PPP1R11: variants seen among roughly 807,000 people sequenced by gnomAD.
The protein encoded by PPP1R11 is protein phosphatase 1 regulatory inhibitor subunit 11.
In PPP1R11, 10 loss-of-function variants were observed where a neutral mutation model predicts 11.3. The ratio of observed to expected loss-of-function variants is 0.88; its 90% CI spans 0.55 to 1.50. The LOEUF (loss-of-function observed/expected upper bound fraction) is 1.50, where lower values mean the gene tolerates loss of function less well. Ranked by LOEUF, PPP1R11 falls within the 40% of genes most tolerant of loss-of-function variation. PPP1R11 has a pLI of 0.00. For missense variants in PPP1R11, 114 were observed against 179.1 expected (o/e 0.64, Z 2.07); for synonymous variants, 56 against 62.3 (o/e 0.90, Z 0.48).
At position 30,067,314 on chromosome 6, in the gene PPP1R11, C is replaced by G; in HGVS notation, c.-97C>G. On this transcript the variant is annotated 5_prime_UTR_variant, in exon 1 of 3. Transcript: ENST00000376772. ...AAGGTGGAGGATCCTGGCTACCACT[C>G]TGAATCCGATACCGCTTCTCTTAGA... The G allele has an allele frequency of 7.6e-7, 1 of 1,311,544 alleles. No homozygotes were observed. Among genetic ancestry groups the G allele is most frequent in the Non-Finnish European group, 1.1e-6 (1 of 919,454 alleles). The allele number at this position is 1,311,544 out of a possible 1,614,324, so 81.2% of individuals were successfully genotyped here.
chr6:30,061,592 G>A, the PPP1R11 span: 3 of 1,613,064 alleles, frequency 1.9e-6, no homozygotes, highest in Non-Finnish European at 2.5e-6. This position sits in a 1 kb window ranked among gnomAD's most constrained non-coding sequence, Gnocchi z 5.0. Flanking sequence ...TGTTCAGATT[G>A]CGGCTCGGTC....
upstream of PPP1R11, chr6:30,061,953 T>A: frequency 6.2e-7 from 1 of 1,613,060 alleles, no homozygotes; most frequent in Non-Finnish European, 8.5e-7. This position sits in a 1 kb window ranked among gnomAD's most constrained non-coding sequence, Gnocchi z 5.0. Context: ...TCGGTTGTGT[T>A]CCACCAACTG....
At chr6:30,061,435 G>A in the PPP1R11 span, 13 of 1,494,266 alleles carry the variant, frequency 8.7e-6, no homozygotes, top group Admixed American at 2.3e-4. The surrounding 1 kb of genome is among the most constrained non-coding windows in gnomAD (Gnocchi z 5.0). Context: ...ATACTCCTAG[G>A]TCCTGGGACA....
chr6:30,068,825 T>A, intron 2 of PPP1R11, 127 bp downstream of exon 2: 1 of 879,814 alleles, frequency 1.1e-6, no homozygotes, highest in Non-Finnish European at 1.7e-6. Context: ...TTTTTGGTGG[T>A]GCTGTGGTAT....
At chr6:30,061,760 A>G, upstream of PPP1R11, 1 of 1,583,598 alleles carries the variant, frequency 6.3e-7, no homozygotes, top group East Asian at 2.2e-5. The surrounding 1 kb of genome is among the most constrained non-coding windows in gnomAD (Gnocchi z 5.0). Flanking sequence ...AGGGGATCCT[A>G]GAGCAGGACA....
chr6:30,062,484 ATTTTT>A, upstream of PPP1R11: 3 of 451,722 alleles, frequency 6.6e-6, no homozygotes, highest in Non-Finnish European at 1.2e-5. Context: ...GTTGTTTTTT[ATTTTT>A]TTAAGTTACA....
At chr6:30,064,827 G>A (rs1342591297), upstream of PPP1R11, 1 of 717,434 alleles carries the variant, frequency 1.4e-6, no homozygotes, top group African/African-American at 1.8e-5. Flanking sequence ...ATCATCATGT[G>A]GGGATTACCA....
chr6:30,069,449 C>T lies in PPP1R11; in HGVS notation c.*143C>T. ...ACGAACAGAGATCCTGAAATTCTGACTTGCTGCTATTCCAGAACCCAGCCT... is the reference window on the plus strand; with the variant it reads ...ACGAACAGAGATCCTGAAATTCTGATTTGCTGCTATTCCAGAACCCAGCCT... On this transcript the variant is annotated 3_prime_UTR_variant, in exon 3 of 3. Transcript: ENST00000376772. This position sits in a 1 kb window ranked among gnomAD's most constrained non-coding sequence, Gnocchi z 6.6. 1.4e-6 allele frequency: 1 copy of T among 706,650 alleles called. No individual in the cohort carries two copies. The highest frequency in any genetic ancestry group is 2.2e-6 in the Non-Finnish European group (1 of 456,200). The allele number at this position is 706,650 out of a possible 1,614,324, so 43.8% of individuals were successfully genotyped here.
At chr6:30,061,473 C>T in the PPP1R11 span, 1 of 1,599,886 alleles carries the variant, frequency 6.3e-7, no homozygotes, top group Non-Finnish European at 8.5e-7. This position sits in a 1 kb window ranked among gnomAD's most constrained non-coding sequence, Gnocchi z 5.0. Context: ...GGGACAGGAA[C>T]TCTTCTCTCT....
chr6:30,067,302 C>T lies in PPP1R11; in HGVS notation c.-109C>T. On this transcript the variant is annotated 5_prime_UTR_variant, in exon 1 of 3. Coordinates refer to ENST00000376772, the MANE Select transcript of PPP1R11 (RefSeq NM_021959.3). ...GGGGGAATAAAGAAGGTGGAGGATC[C>T]TGGCTACCACTCTGAATCCGATACC... The T allele has an allele frequency of 3.4e-6, 4 of 1,173,130 alleles. No individual in the cohort carries two copies. Among genetic ancestry groups the T allele is most frequent in the African/African-American group, 1.5e-5 (1 of 65,742 alleles). The allele number at this position is 1,173,130 out of a possible 1,614,324, so 72.7% of individuals were successfully genotyped here.
In PPP1R11 at chr6:30,068,754, T is replaced by C. The variant is rs540250389; in HGVS notation, c.178+56T>C. ...GAGTTCTGGCTCCCTTCAGCATATCTTGTATCTACTCATATCCACTGGCTT... is the reference window on the plus strand; with the variant it reads ...GAGTTCTGGCTCCCTTCAGCATATCCTGTATCTACTCATATCCACTGGCTT... On this transcript the variant is annotated intron_variant, in intron 2 of 2. Coordinates refer to ENST00000376772, the MANE Select transcript of PPP1R11 (RefSeq NM_021959.3). The C allele has an allele frequency of 7.6e-4, 1,094 of 1,448,920 alleles. 3 individuals carry two copies. Among genetic ancestry groups the C allele is most frequent in the South Asian group, 1.9e-3 (159 of 85,496 alleles). The allele number at this position is 1,448,920 out of a possible 1,614,324, so 89.8% of individuals were successfully genotyped here.
At position 30,067,204 on chromosome 6, in the gene PPP1R11, C is replaced by T; in HGVS notation, c.-207C>T. 1.9e-6 allele frequency: 1 copy of T among 537,766 alleles called. No homozygotes were observed. Among genetic ancestry groups the T allele is most frequent in the South Asian group, 2.7e-5 (1 of 37,098 alleles). The allele number at this position is 537,766 out of a possible 1,614,324, so 33.3% of individuals were successfully genotyped here. ...AAGGGGGACTGCAGTATGCGTCACA[C>T]CCGGAAGCGGCGAGCCGGAAGTGGG... On this transcript the variant is annotated 5_prime_UTR_variant, in exon 1 of 3. Coordinates refer to ENST00000376772, the MANE Select transcript of PPP1R11 (RefSeq NM_021959.3).
upstream of PPP1R11, chr6:30,064,666 C>T (rs1229893320): frequency 6.2e-7 from 1 of 1,606,798 alleles, no homozygotes. Context: ...CCTTTCTTTC[C>T]TCATAGGTTC....
At chr6:30,061,710 G>T (rs1215072206), upstream of PPP1R11, 1 of 1,610,592 alleles carries the variant, frequency 6.2e-7, no homozygotes, top group South Asian at 1.1e-5. The surrounding 1 kb of genome is among the most constrained non-coding windows in gnomAD (Gnocchi z 5.0). Flanking sequence ...GAGGGCGCAG[G>T]GTCGGAAGCT....
chr6:30,067,635 C>T, intron 1 of PPP1R11, 156 bp downstream of exon 1: 3 of 933,630 alleles, frequency 3.2e-6, no homozygotes, highest in Non-Finnish European at 4.9e-6. Context: ...GGTATTGGAG[C>T]TATTTGGAGT....
chr6:30,069,147 C>G lies in PPP1R11; in HGVS notation c.222C>G (p.Ser74=), dbSNP rs759987193. 1 of 1,612,686 alleles carries G rather than the reference C, an allele frequency of 6.2e-7. No individual in the cohort carries two copies. Among genetic ancestry groups the G allele is most frequent in the Non-Finnish European group, 8.5e-7 (1 of 1,179,720 alleles). ...YEKPRAFGES[S]TESDEEEEEG... is the part of the protein sequence containing the mutation. ...AACCTCGGGCCTTTGGCGAGAGCTC[C>G]ACGGAAAGTGATGAGGAGGAAGAAG... Residue 74 remains serine (S), a synonymous_variant, in exon 3 of 3, where the codon TCC becomes TCG. Coordinates refer to ENST00000376772, the MANE Select transcript of PPP1R11 (RefSeq NM_021959.3). This position sits in a 1 kb window ranked among gnomAD's most constrained non-coding sequence, Gnocchi z 6.6.
In PPP1R11 at chr6:30,068,650, A is replaced by T. The variant is rs1765709059; in HGVS notation, c.130A>T (p.Thr44Ser). 12 of 1,612,888 alleles carry T rather than the reference A, an allele frequency of 7.4e-6. No homozygotes were observed. The highest frequency in any genetic ancestry group is 1.0e-5 in the Non-Finnish European group (12 of 1,179,994). Residue 44 changes from threonine to serine, a missense_variant, in exon 2 of 3, where the codon ACA becomes TCA. Coordinates refer to ENST00000376772, the MANE Select transcript of PPP1R11 (RefSeq NM_021959.3). Reference protein sequence around the residue: ...KRKPEKKVEWTSDTVDNEHMG... With the variant: ...KRKPEKKVEWSSDTVDNEHMG... ...GAAGCCAGAGAAAAAGGTAGAATGG[A>T]CAAGTGACACTGTGGACAATGAACA...
At chr6:30,066,596 C>G (rs1234355272), upstream of PPP1R11, 1 of 152,198 alleles carries the variant, frequency 6.6e-6, no homozygotes, top group Non-Finnish European at 1.5e-5. Flanking sequence ...GTCTTTCCTA[C>G]TAGAGCTAAA....
upstream of PPP1R11, chr6:30,064,933 C>G (rs1006113721): frequency 5.1e-6 from 2 of 391,322 alleles, no homozygotes; most frequent in Admixed American, 4.4e-5. Flanking sequence ...TATAATCTGT[C>G]TTATTCCAAA....
Sources: gnomAD v4.1 joint callset for allele counts on GRCh38, gnomAD v4.1.1 for gene constraint, Gnocchi (gnomAD v3.1) non-coding constraint, MANE v1.5 for transcripts, NCBI Gene and HGNC (gene_info 2026-07-23, HGNC 2026-07-21) for gene names.